PSD3: variants seen among roughly 807,000 people sequenced by gnomAD.
PSD3 encodes the protein PH and SEC7 domain-containing protein 3.
A neutral mutation model predicts 105.5 loss-of-function variants in PSD3; 49 were observed. The ratio of observed to expected loss-of-function variants is 0.46; its 90% confidence interval spans 0.37 to 0.59. The LOEUF (loss-of-function observed/expected upper bound fraction) is 0.59, where lower values mean the gene tolerates loss of function less well. Ranked by LOEUF, PSD3 falls within the 20% of genes least tolerant of loss-of-function variation. The pLI, the probability that PSD3 is intolerant of heterozygous loss-of-function variation, is 0.00. For missense variants in PSD3, 1,561 were observed against 1,263.8 expected, an observed-to-expected ratio of 1.24 and a Z score of -3.57; for synonymous variants, 557 against 457.8, an observed-to-expected ratio of 1.22 and a Z score of -2.77.
chr8:18,752,529 A>T (rs1174253504), intron 9 of PSD3, among the ~76,000 whole-genome samples: 6 of 48,350 alleles, frequency 1.2e-4, no homozygotes, highest in East Asian at 1.1e-3. Context: ...AATATATATA[A>T]TTATATATTA....
chr8:19,079,413 CTCTT>C lies in PSD3; in HGVS notation c.324+4789_324+4792del, dbSNP rs539405754. Among the ~76,000 whole-genome samples, 1,167 of 152,292 alleles carry C rather than the reference CTCTT, an allele frequency of 7.7e-3. 9 individuals carry two copies. The highest frequency in any genetic ancestry group is 0.014 in the Non-Finnish European group (927 of 68,028). On this transcript the variant is annotated intron_variant, in intron 1 of 1. Transcript: ENST00000521475. ...ATTACTATGTGAGCATTTGTGCATG[CTCTT>C]TCTTTGTTCTAGTTTCTTTTATAAA...
chr8:18,816,277 G>A (rs1042224815), intron 4 of PSD3, among the ~76,000 whole-genome samples: 2 of 152,036 alleles, frequency 1.3e-5, no homozygotes, highest in Admixed American at 6.6e-5. Flanking sequence ...TTGACCTTAC[G>A]ATAGGTACTT....
intron 9 of PSD3, among the ~76,000 whole-genome samples, chr8:18,748,660 CA>C (rs760372508): frequency 0.011 from 621 of 54,724 alleles, no homozygotes; most frequent in Middle Eastern, 0.033. Context: ...ACTCCGTCTC[CA>C]AAAAAAAAAA....
chr8:18,796,278 G>A (rs1810170378), intron 8 of PSD3, among the ~76,000 whole-genome samples: 1 of 152,042 alleles, frequency 6.6e-6, no homozygotes, highest in Non-Finnish European at 1.5e-5. Context: ...TCCCATCATA[G>A]CACCTCAGCA....
At chr8:18,814,002 AT>A (rs563798754) in intron 4 of PSD3, among the ~76,000 whole-genome samples, 44 of 152,322 alleles carry the variant, frequency 2.9e-4, no homozygotes, top group African/African-American at 9.6e-4. Flanking sequence ...CTCCATACAA[AT>A]GTTAGTTAGC....
intron 4 of PSD3, among the ~76,000 whole-genome samples, chr8:18,852,511 G>C (rs936424514): frequency 6.6e-6 from 1 of 152,172 alleles, no homozygotes; most frequent in African/African-American, 2.4e-5. Context: ...ACACAATGCT[G>C]CTCCCCATAT....
At position 18,572,732 on chromosome 8, in the gene PSD3, T is replaced by C. The variant is rs1017085505; in HGVS notation, c.2640-60A>G. On this transcript the variant is annotated intron_variant, in intron 13 of 15. Coordinates refer to ENST00000327040, the MANE Select transcript of PSD3 (RefSeq NM_015310.4). Reference sequence around the variant, plus strand: ...GCCATGTCTAAGTAGCATCACACTTTGCCTATTTCACGTTACTGATTTGCA... The same window carrying C: ...GCCATGTCTAAGTAGCATCACACTTCGCCTATTTCACGTTACTGATTTGCA... 1.2e-5 allele frequency: 19 copies of C among 1,561,820 alleles called. 1 individual carries two copies. The South Asian group carries it at 2.2e-4, about 18-fold the overall frequency.
intron 4 of PSD3, among the ~76,000 whole-genome samples, chr8:18,812,055 T>A (rs972095240): frequency 1.7e-4 from 26 of 152,226 alleles, no homozygotes; most frequent in African/African-American, 5.5e-4. Context: ...TATGACTTCC[T>A]AAATCTCGGA....
At position 18,934,051 on chromosome 8, in the gene PSD3, A is replaced by G. The variant is rs1320708131; in HGVS notation, c.130+1983T>C. ...TCTAAGAGTCCCCAACTATTAAGAT[A>G]TCTAATAAATATTCACTTTTTAAGC... On this transcript the variant is annotated intron_variant, in intron 2 of 15. Transcript: ENST00000327040. 2.6e-5 allele frequency among the ~76,000 whole-genome samples: 4 copies of G among 152,202 alleles called. No individual in the cohort carries two copies. The East Asian group carries it at 7.7e-4, about 29-fold the overall frequency.
chr8:18,835,943 T>C (rs11782622), intron 4 of PSD3, among the ~76,000 whole-genome samples: 41,599 of 152,052 alleles, frequency 0.27, 6,093 homozygotes, highest in Non-Finnish European at 0.31. Flanking sequence ...GACTCTGAGA[T>C]AAGTCAACAA....
rs747960439 is a variant in PSD3, at chr8:18,869,190, C to CTGTTT, written c.1239-1122_1239-1121insAAACA. On this transcript the variant is annotated intron_variant, in intron 3 of 15. Transcript: ENST00000327040. ...ACTCACTGCACCCCACTCTCCCCTG[C>CTGTTT]TTTTTTTTTTTTTTTTTGAGATGCA... Among the ~76,000 whole-genome samples the CTGTTT allele has an allele frequency of 4.1e-3, 488 of 119,762 alleles. 8 individuals carry two copies. Among genetic ancestry groups the CTGTTT allele is most frequent in the African/African-American group, 0.015 (470 of 31,006 alleles). 78.6% of individuals were successfully genotyped at this position (119,762 alleles called of 152,430 possible).
At chr8:18,984,937 T>A (rs1277927469) in intron 1 of PSD3, among the ~76,000 whole-genome samples, 6 of 152,122 alleles carry the variant, frequency 3.9e-5, no homozygotes, top group African/African-American at 1.4e-4. Context: ...TTCGCTTTTT[T>A]GTTTTGGCGG....
intron 2 of PSD3, among the ~76,000 whole-genome samples, chr8:18,877,575 T>C (rs971029364): frequency 6.7e-6 from 1 of 148,290 alleles, no homozygotes; most frequent in Non-Finnish European, 1.5e-5. Flanking sequence ...AGGATCTCAC[T>C]CTGTCGCCCT....
At position 18,557,200 on chromosome 8, in the gene PSD3, T is replaced by A. The variant is rs1180067541; in HGVS notation, c.2785-848A>T. 2.6e-5 allele frequency among the ~76,000 whole-genome samples: 4 copies of A among 152,352 alleles called. No homozygotes were observed. In the East Asian group the frequency reaches 7.7e-4, roughly 29 times the overall value. On this transcript the variant is annotated intron_variant, in intron 14 of 15. Transcript: ENST00000327040. ...TGTATGACTCCTTACTGTTCTAGTT[T>A]CACATGCAAATTATCCAAATTTCAC...
intron 1 of PSD3, among the ~76,000 whole-genome samples, chr8:19,054,031 C>T (rs910124131): frequency 5.9e-5 from 9 of 152,180 alleles, no homozygotes; most frequent in Non-Finnish European, 8.8e-5. Flanking sequence ...GTGTCTTCTC[C>T]TCTGACTGTA....
At chr8:18,889,568 C>T (rs539275408) in intron 2 of PSD3, among the ~76,000 whole-genome samples, 31 of 152,276 alleles carry the variant, frequency 2.0e-4, no homozygotes, top group Non-Finnish European at 2.9e-4. Context: ...CTGTCTTGCC[C>T]GTTCCCTTCT....
At chr8:18,969,800 A>G (rs1824518090) in intron 1 of PSD3, among the ~76,000 whole-genome samples, 1 of 152,196 alleles carries the variant, frequency 6.6e-6, no homozygotes, top group South Asian at 2.1e-4. Context: ...GCAAATATTT[A>G]GGAGGAAATA....
In PSD3 at chr8:19,063,147, C is replaced by T. The variant is rs1039306316; in HGVS notation, c.324+21059G>A. On this transcript the variant is annotated intron_variant, in intron 1 of 1. Transcript: ENST00000521475. ...TGAGAGTTCCATTGAGTCTGTAAGA[C>T]GCACCTGTTCTCTGTAGAGAAAACA... Among the ~76,000 whole-genome samples the T allele has an allele frequency of 7.2e-5, 11 of 152,160 alleles. No individual in the cohort carries two copies. The East Asian group carries it at 7.7e-4, about 11-fold the overall frequency.
At chr8:18,637,024 A>C (rs1341825768) in intron 10 of PSD3, among the ~76,000 whole-genome samples, 2 of 152,144 alleles carry the variant, frequency 1.3e-5, no homozygotes, top group East Asian at 3.9e-4. Flanking sequence ...GCCTTCTCCC[A>C]CTTGCTTATC....
Sources: allele counts gnomAD v4.1 joint callset (sites outside exome capture counted in the v4.1 genomes callset), GRCh38; gene constraint gnomAD v4.1.1; transcripts MANE v1.5; gene names NCBI Gene and HGNC (gene_info 2026-07-23, HGNC 2026-07-21).